GBE1: variants seen among roughly 807,000 people sequenced by gnomAD.
GBE1 encodes the protein 1,4-alpha-glucan branching enzyme 1, also known as 1,4-alpha-glucan-branching enzyme.
Under a neutral mutation model 88.8 loss-of-function variants are expected in GBE1, and 70 were observed. The ratio of observed to expected loss-of-function variants is 0.79; its 90% CI spans 0.65 to 0.96. The LOEUF (loss-of-function observed/expected upper bound fraction) is 0.96. Among genes scored for constraint, GBE1 ranks in the 40% least tolerant of loss-of-function variants. GBE1 has a pLI of 0.00. For synonymous variants in GBE1, 284 were observed against 300.1 expected (o/e 0.95, Z 0.56); for missense variants, 872 against 871.0 (o/e 1.00, Z -0.01).
intron 3 of GBE1, chr3:81,654,793 T>C (rs554360948): frequency 1.3e-5 from 2 of 152,348 alleles, no homozygotes; most frequent in South Asian, 4.1e-4. Flanking sequence ...TATTTCACTT[T>C]TAAAATTTCA....
chr3:81,664,472 C>A (rs1231524977), intron 3 of GBE1, among the ~76,000 whole-genome samples: 1 of 147,890 alleles, frequency 6.8e-6, no homozygotes, highest in African/African-American at 2.5e-5. Flanking sequence ...GCCAGCACTA[C>A]GAAGACAAAT....
chr3:81,626,975 C>T (rs532640154), intron 7 of GBE1, among the ~76,000 whole-genome samples: 1 of 152,278 alleles, frequency 6.6e-6, no homozygotes, highest in South Asian at 2.1e-4. Flanking sequence ...TAATTTCCTG[C>T]TGAACTTTCC....
chr3:81,519,696 GA>G (rs550361729), intron 14 of GBE1, among the ~76,000 whole-genome samples: 141 of 149,448 alleles, frequency 9.4e-4, no homozygotes, highest in African/African-American at 2.9e-3. Context: ...CTAGAATACA[GA>G]AAAAAAAATC....
chr3:81,682,183 C>T (rs770011635), intron 2 of GBE1, among the ~76,000 whole-genome samples: 33 of 152,258 alleles, frequency 2.2e-4, no homozygotes, highest in Non-Finnish European at 3.7e-4. Context: ...TATTCAAGGG[C>T]TGGGTGTGGT....
At chr3:81,566,181 C>A (rs1703492654) in intron 12 of GBE1, among the ~76,000 whole-genome samples, 1 of 152,186 alleles carries the variant, frequency 6.6e-6, no homozygotes, top group South Asian at 2.1e-4. Flanking sequence ...AACAGGAGAA[C>A]TTTCCTATAT....
At chr3:81,539,805 T>C (rs771662675) in intron 12 of GBE1, among the ~76,000 whole-genome samples, 2 of 151,976 alleles carry the variant, frequency 1.3e-5, no homozygotes, top group Non-Finnish European at 2.9e-5. Context: ...GGTAAGAAGA[T>C]AATGAGTTCA....
At position 81,541,322 on chromosome 3, in the gene GBE1, C is replaced by T. The variant is rs144304026; in HGVS notation, c.1619-4227G>A. On this transcript the variant is annotated intron_variant, in intron 12 of 15. Coordinates refer to ENST00000429644, the MANE Select transcript of GBE1 (RefSeq NM_000158.4). ...AACACACACCCACCCCACGATACAG[C>T]CTCAGAGGGTTCATGGACTCCATAA... Among the ~76,000 whole-genome samples, 453 of 151,712 alleles carry T rather than the reference C, an allele frequency of 3.0e-3. 1 individual carries two copies. The highest frequency in any genetic ancestry group is 5.4e-3 in the South Asian group (26 of 4,778).
intron 14 of GBE1, among the ~76,000 whole-genome samples, chr3:81,522,459 G>GTTAT (rs1229352479): frequency 2.6e-5 from 4 of 151,378 alleles, no homozygotes; most frequent in East Asian, 3.9e-4. Context: ...CAGTCTCAGA[G>GTTAT]TTATGGCTGG....
chr3:81,583,325 AT>A (rs1475985002), intron 10 of GBE1, among the ~76,000 whole-genome samples: 2 of 152,270 alleles, frequency 1.3e-5, no homozygotes, highest in East Asian at 3.9e-4. Context: ...TTCTTAAAAA[AT>A]TAAACAGGGA....
At chr3:81,490,739 A>G (rs1036331079) in intron 15 of GBE1, among the ~76,000 whole-genome samples, 2 of 152,112 alleles carry the variant, frequency 1.3e-5, no homozygotes, top group African/African-American at 4.8e-5. Context: ...TGTTACTGCC[A>G]TGTTGAGGCT....
intron 7 of GBE1, among the ~76,000 whole-genome samples, chr3:81,619,058 AG>A (rs1267682710): frequency 6.6e-6 from 1 of 152,154 alleles, no homozygotes; most frequent in African/African-American, 2.4e-5. Flanking sequence ...ATCTATTGCA[AG>A]GAACATGTAA....
Position 81,535,394 on chromosome 3 carries a change from G to A in GBE1, c.1804-69C>T, listed in dbSNP as rs1188156591. The A allele has an allele frequency of 7.5e-6, 11 of 1,458,410 alleles. No individual in the cohort carries two copies. The African/African-American group carries it at 1.6e-4, about 21-fold the overall frequency. 90.3% of individuals were successfully genotyped at this position (1,458,410 alleles called of 1,614,324 possible). A position where few individuals can be genotyped will look rare whatever the true frequency, so the allele number is the denominator to read the frequency against. ...TGCTGCTACAAGTACATTATTTTTT[G>A]TCTTTCTTAATAGTCTGGTTATTAA... On this transcript the variant is annotated intron_variant, in intron 13 of 15. Coordinates refer to ENST00000429644, the MANE Select transcript of GBE1 (RefSeq NM_000158.4).
At position 81,585,995 on chromosome 3, in the gene GBE1, A is replaced by G. The variant is rs1250559178; in HGVS notation, c.1335+97T>C. The stretch of plus-strand genomic sequence containing the variant: ...GAAAGAATTTAATACTTCAATTATA[A>G]TATCTGTAACTAATGATTACAACTA... On this transcript the variant is annotated intron_variant, in intron 10 of 15. Transcript: ENST00000429644. 6 of 671,566 alleles carry G rather than the reference A, an allele frequency of 8.9e-6. No homozygotes were observed. In the East Asian group the frequency reaches 9.3e-5, roughly 10 times the overall value. 41.6% of individuals were successfully genotyped at this position (671,566 alleles called of 1,614,324 possible). A position where few individuals can be genotyped will look rare whatever the true frequency, so the allele number is the denominator to read the frequency against.
At position 81,490,153 on chromosome 3, in the gene GBE1, C is replaced by A; in HGVS notation, c.*254G>T. ...TGTTTTTAACATATTATATATAACA[C>A]TTCCATTTGAGAATCCTAGCTGCTA... On this transcript the variant is annotated 3_prime_UTR_variant, in exon 16 of 16. Transcript: ENST00000429644. 1 of 469,336 alleles carries A rather than the reference C, an allele frequency of 2.1e-6. No individual in the cohort carries two copies. Among genetic ancestry groups the A allele is most frequent in the Non-Finnish European group, 3.7e-6 (1 of 267,374 alleles). 29.1% of individuals were successfully genotyped at this position (469,336 alleles called of 1,614,324 possible). A position where few individuals can be genotyped will look rare whatever the true frequency, so the allele number is the denominator to read the frequency against.
In GBE1 at chr3:81,649,861, C is replaced by T. The variant is rs1283967979; in HGVS notation, c.490G>A (p.Val164Met). The T allele has an allele frequency of 1.2e-6, 2 of 1,611,388 alleles. No individual in the cohort carries two copies. The highest frequency in any genetic ancestry group is 1.7e-6 in the Non-Finnish European group (2 of 1,177,852). The change falls in exon 4 of 16, where the codon GTG (valine) becomes ATG (methionine). Residue 164 changes from valine to methionine, a missense_variant. Physicochemically the swap from Val to Met is conservative, Grantham distance 21. Coordinates refer to ENST00000429644, the MANE Select transcript of GBE1 (RefSeq NM_000158.4). ...LYRISPWAKY[V>M]VREGDNVNYD... is the part of the protein sequence containing the mutation. ...TTCACATTATCACCTTCACGAACCA[C>T]ATACTTTGCCCACGGTGAAATACGA...
chr3:81,653,141 A>G (rs1179809791), intron 3 of GBE1, among the ~76,000 whole-genome samples: 1 of 152,080 alleles, frequency 6.6e-6, no homozygotes, highest in Non-Finnish European at 1.5e-5. Context: ...CTGAATAGCA[A>G]TTTGACAATC....
At position 81,646,987 on chromosome 3, in the gene GBE1, C is replaced by T. The variant is rs1445778595; in HGVS notation, c.692-505G>A. On this transcript the variant is annotated intron_variant, in intron 5 of 15. Coordinates refer to ENST00000429644, the MANE Select transcript of GBE1 (RefSeq NM_000158.4). ...TTTTTTTTTTTTTGAGATGGAGTCT[C>T]GCTCTGTTGCCCAGGCTGCAGTGCA... 1.1e-4 allele frequency among the ~76,000 whole-genome samples: 15 copies of T among 141,038 alleles called. No individual in the cohort carries two copies. In the East Asian group the frequency reaches 1.7e-3, roughly 16 times the overall value. 92.5% of individuals were successfully genotyped at this position (141,038 alleles called of 152,430 possible).
At chr3:81,636,778 C>T (rs1374645739) in intron 7 of GBE1, among the ~76,000 whole-genome samples, 1 of 152,082 alleles carries the variant, frequency 6.6e-6, no homozygotes, top group Non-Finnish European at 1.5e-5. Context: ...GATCAGCCCC[C>T]CTTGGCCTCC....
At chr3:81,662,007 T>C (rs1029143467) in intron 3 of GBE1, among the ~76,000 whole-genome samples, 1 of 152,146 alleles carries the variant, frequency 6.6e-6, no homozygotes, top group African/African-American at 2.4e-5. Flanking sequence ...TGCCTAATCT[T>C]CCTACTAATT....
Sources: gnomAD v4.1 joint callset for allele counts (sites outside exome capture counted in the v4.1 genomes callset) on GRCh38, gnomAD v4.1.1 for gene constraint, MANE v1.5 for transcripts, NCBI Gene and HGNC (gene_info 2026-07-23, HGNC 2026-07-21) for gene names.